The following ANXA4 variants were observed in gnomAD, a reference collection of about 807,000 sequenced individuals.
ANXA4 encodes the protein 35-beta calcimedin.
In ANXA4, 39 loss-of-function variants were observed where a neutral mutation model predicts 49.8. The observed-to-expected ratio is 0.78, with a 90% CI of 0.61 to 1.02. The LOEUF (loss-of-function observed/expected upper bound fraction) is 1.02, where lower values mean the gene tolerates loss of function less well. Ranked by LOEUF, ANXA4 falls within the 50% of genes least tolerant of loss-of-function variation. The probability of loss-of-function intolerance (pLI) is 0.00; values close to 1 mark genes in which losing one functional copy is unlikely to be tolerated. For synonymous variants in ANXA4, 134 were observed against 152.5 expected (o/e 0.88, Z 0.89); for missense variants, 360 against 410.1 (o/e 0.88, Z 1.05).
intron 2 of ANXA4, among the ~76,000 whole-genome samples, chr2:69,669,226 T>C (rs1677063295): frequency 6.6e-6 from 1 of 151,444 alleles, no homozygotes; most frequent in Admixed American, 6.6e-5. Context: ...ATTACAGGCC[T>C]AAGCCACTGC....
At chr2:69,691,563 AC>A (rs1677966822) in intron 2 of ANXA4, among the ~76,000 whole-genome samples, 1 of 86,492 alleles carries the variant, frequency 1.2e-5, no homozygotes, top group African/African-American at 4.5e-5. Flanking sequence ...TTTCACACAC[AC>A]ACACACATGC....
intron 5 of ANXA4, among the ~76,000 whole-genome samples, chr2:69,807,150 A>G (rs72839859): frequency 0.022 from 3,348 of 152,250 alleles, 60 homozygotes; most frequent in South Asian, 0.033. Context: ...CTTTTCCAAA[A>G]AGTTAGGGAA....
chr2:69,779,677 CAAAA>C lies in ANXA4; in HGVS notation c.-46-1840_-46-1837del, dbSNP rs375143144. Among the ~76,000 whole-genome samples, 1,078 of 152,318 alleles carry C rather than the reference CAAAA, an allele frequency of 7.1e-3. 12 individuals are homozygous for C. The highest frequency in any genetic ancestry group is 0.024 in the African/African-American group (1,005 of 41,566). On this transcript the variant is annotated intron_variant, in intron 1 of 12. Coordinates refer to ENST00000394295, the MANE Select transcript of ANXA4 (RefSeq NM_001153.5). ...TATTATGGCATTTGTCTGCAAATAA[CAAAA>C]AACTTTCCACAGTATTCCCATGACC...
In ANXA4 at chr2:69,818,627, G is replaced by T; in HGVS notation, c.657G>T (p.Gln219His). ...TTGATGAATACAAAAGGATATCACAGAAGGATATTGAACAGAGTATTAAAT... is the reference window on the plus strand; with the variant it reads ...TTGATGAATACAAAAGGATATCACATAAGGATATTGAACAGAGTATTAAAT... ...HVFDEYKRISQKDIEQSIKSE... is the reference protein window; with the variant it reads ...HVFDEYKRISHKDIEQSIKSE... The change falls in exon 10 of 13, where the codon CAG becomes CAT. Residue 219 changes from glutamine (Q) to histidine (H), a missense_variant. Transcript: ENST00000394295. The T allele has an allele frequency of 1.2e-6, 2 of 1,609,632 alleles. No homozygotes were observed.
At chr2:69,681,327 T>C (rs1174455186) in intron 2 of ANXA4, among the ~76,000 whole-genome samples, 2 of 152,062 alleles carry the variant, frequency 1.3e-5, no homozygotes, top group Admixed American at 6.6e-5. Flanking sequence ...TTTTTGTATT[T>C]CTGTGGCATC....
intron 9 of ANXA4, 62 bp from the exon 10 acceptor site, chr2:69,818,537 C>G (rs2103882203): frequency 1.9e-6 from 2 of 1,057,404 alleles, no homozygotes; most frequent in East Asian, 5.1e-5. Flanking sequence ...CTCATTCTCT[C>G]CATAAATTTT....
chr2:69,656,712 A>G (rs7602816), intron 2 of ANXA4, among the ~76,000 whole-genome samples: 62,388 of 151,010 alleles, frequency 0.41, 14,817 homozygotes, highest in East Asian at 0.76. Context: ...ACCACACCCA[A>G]CTAATTTTTG....
intron 12 of ANXA4, among the ~76,000 whole-genome samples, chr2:69,823,431 CAGGTT>C (rs1674332246): frequency 6.6e-6 from 1 of 151,756 alleles, no homozygotes; most frequent in South Asian, 2.1e-4. Flanking sequence ...AATAAACTCT[CAGGTT>C]AGGTAAAAAT....
intron 1 of ANXA4, among the ~76,000 whole-genome samples, chr2:69,778,220 C>T (rs1005009971): frequency 6.6e-6 from 1 of 152,058 alleles, no homozygotes; most frequent in Non-Finnish European, 1.5e-5. Context: ...ATCATCTCGC[C>T]GAAATCAGAA....
chr2:69,658,900 G>A (rs1325294969), intron 2 of ANXA4, among the ~76,000 whole-genome samples: 1 of 152,122 alleles, frequency 6.6e-6, no homozygotes, highest in Non-Finnish European at 1.5e-5. Flanking sequence ...GTTTCACCAT[G>A]TTGGTCAGGC....
intron 7 of ANXA4, 141 bp from the exon 8 acceptor site, chr2:69,812,508 AGGAC>A: frequency 1.6e-6 from 1 of 633,354 alleles, no homozygotes; most frequent in South Asian, 2.0e-5. Context: ...GCGCATTTAG[AGGAC>A]GTCTGTCCTC....
rs748618213 is a variant in ANXA4, at chr2:69,826,844, C to T, written c.*1329C>T. 3.3e-5 allele frequency: 5 copies of T among 151,350 alleles called. No homozygotes were observed. Among genetic ancestry groups the T allele is most frequent in the Non-Finnish European group, 7.4e-5 (5 of 67,920 alleles). 9.4% of individuals were successfully genotyped at this position (151,350 alleles called of 1,614,324 possible). On this transcript the variant is annotated 3_prime_UTR_variant, in exon 13 of 13. Coordinates refer to ENST00000394295, the MANE Select transcript of ANXA4 (RefSeq NM_001153.5). ...TAGTCTTTCTCTGATCCACTTTTCA[C>T]CTTCTGAGGTTTTTCATCTTGGCCC...
At chr2:69,644,615 A>C (rs1446689212) in exon 1 of ANXA4, 3 of 152,130 alleles carry the variant, frequency 2.0e-5, no homozygotes, top group Non-Finnish European at 2.9e-5. Context: ...TGCAGGGCAG[A>C]TCCTAGGATA....
chr2:69,663,522 T>A (rs56398515), intron 2 of ANXA4, among the ~76,000 whole-genome samples: 11,942 of 151,950 alleles, frequency 0.079, 595 homozygotes, highest in African/African-American at 0.13. Context: ...ATGCTGGGCA[T>A]GGTGACACAA....
At chr2:69,682,613 A>G (rs750267828) in intron 2 of ANXA4, among the ~76,000 whole-genome samples, 7 of 152,200 alleles carry the variant, frequency 4.6e-5, no homozygotes, top group Non-Finnish European at 8.8e-5. Flanking sequence ...CTTTCTCAAC[A>G]ACTGTATTTT....
At chr2:69,661,957 A>G (rs1676740062) in intron 2 of ANXA4, among the ~76,000 whole-genome samples, 1 of 152,206 alleles carries the variant, frequency 6.6e-6, no homozygotes, top group South Asian at 2.1e-4. Flanking sequence ...CACCAGATGT[A>G]GTCGAGGTGT....
rs181609114 is a variant in ANXA4, at chr2:69,790,262, A to T, written c.97+2121A>T. Among the ~76,000 whole-genome samples, 165 of 152,180 alleles carry T rather than the reference A, an allele frequency of 1.1e-3. 1 individual carries two copies. Among genetic ancestry groups the T allele is most frequent in the Middle Eastern group, 6.8e-3 (2 of 294 alleles). ...TTCCCCCCTCAGGAATGAAATCCAT[A>T]ACTGCTGCTAGGGGAAACTGGGTGA... On this transcript the variant is annotated intron_variant, in intron 3 of 12. Coordinates refer to ENST00000394295, the MANE Select transcript of ANXA4 (RefSeq NM_001153.5).
chr2:69,824,628 A>C (rs1674385990), intron 12 of ANXA4, among the ~76,000 whole-genome samples: 1 of 152,252 alleles, frequency 6.6e-6, no homozygotes, highest in African/African-American at 2.4e-5. Context: ...TGCTTATTGA[A>C]GCAGTGTTTA....
At chr2:69,724,458 G>T (rs923109457) in intron 3 of ANXA4, among the ~76,000 whole-genome samples, 1 of 152,174 alleles carries the variant, frequency 6.6e-6, no homozygotes, top group Admixed American at 6.5e-5. Flanking sequence ...GTACAAATAC[G>T]TCAGGCAGGT....
Sources: allele counts gnomAD v4.1 joint callset (sites outside exome capture counted in the v4.1 genomes callset), GRCh38; gene constraint gnomAD v4.1.1; transcripts MANE v1.5; gene names NCBI Gene and HGNC (gene_info 2026-07-23, HGNC 2026-07-21).